LINGO2: variants seen among roughly 807,000 people sequenced by gnomAD.
LINGO2 encodes leucine-rich repeat and immunoglobulin-like domain-containing nogo receptor-interacting protein 2.
In LINGO2, 14 loss-of-function variants were observed where a neutral mutation model predicts 30.6. The ratio of observed to expected loss-of-function variants is 0.46; its 90% CI spans 0.30 to 0.72. LINGO2 has a LOEUF of 0.72. Ranked by LOEUF, LINGO2 falls within the 30% of genes least tolerant of loss-of-function variation. The probability of loss-of-function intolerance (pLI) is 0.07; values close to 1 mark genes in which losing one functional copy is unlikely to be tolerated. For synonymous variants in LINGO2, 317 were observed against 288.5 expected, an observed-to-expected ratio of 1.10 and a Z score of -1.00; for missense variants, 729 against 751.7, an observed-to-expected ratio of 0.97 and a Z score of 0.35.
chr9:28,960,781 A>T, the LINGO2 span, among the ~76,000 whole-genome samples: 4 of 150,672 alleles, frequency 2.7e-5, no homozygotes, highest in African/African-American at 9.7e-5. Flanking sequence ...ATGTTTATAT[A>T]AAATAATGGT....
chr9:28,018,036 C>T lies in LINGO2; in HGVS notation c.-86-5631G>A, dbSNP rs191698966. ...CATAGACCAATGAAACAGAATAGAG[C>T]GCCTGAAAATAATGCCATATGCCTA... On this transcript the variant is annotated intron_variant, in intron 4 of 5. Coordinates refer to ENST00000379992, the Ensembl canonical transcript of LINGO2. Among the ~76,000 whole-genome samples, 12 of 152,044 alleles carry T rather than the reference C, an allele frequency of 7.9e-5. No individual in the cohort carries two copies. In the East Asian group the frequency reaches 1.2e-3, roughly 15 times the overall value.
intron 1 of LINGO2, among the ~76,000 whole-genome samples, chr9:28,598,418 C>CAAAAAAAAAAAAAAAAAAAAAA (rs766825127): frequency 1.8e-5 from 2 of 109,088 alleles, no homozygotes; most frequent in African/African-American, 3.7e-5. Flanking sequence ...TTCTCCATAT[C>CAAAAAAAAAAAAAAAAAAAAAA]AAAAAAAAAA....
At chr9:28,530,078 T>C (rs551482633) in intron 1 of LINGO2, among the ~76,000 whole-genome samples, 92 of 152,072 alleles carry the variant, frequency 6.0e-4, no homozygotes, top group African/African-American at 2.0e-3. Context: ...GAAAGCTGGT[T>C]GGAGCAGGGT....
the LINGO2 span, among the ~76,000 whole-genome samples, chr9:28,826,830 A>G: frequency 1.3e-5 from 2 of 152,226 alleles, no homozygotes; most frequent in African/African-American, 2.4e-5. Flanking sequence ...GCACGATTGC[A>G]GTAAAGTAAA....
chr9:28,817,071 AC>A, the LINGO2 span, among the ~76,000 whole-genome samples: 1 of 152,186 alleles, frequency 6.6e-6, no homozygotes, highest in African/African-American at 2.4e-5. Flanking sequence ...TGGAAATTTT[AC>A]AAGTTTGAGA....
intron 5 of LINGO2, among the ~76,000 whole-genome samples, chr9:27,961,390 C>T (rs1280727560): frequency 6.6e-6 from 1 of 152,152 alleles, no homozygotes; most frequent in Non-Finnish European, 1.5e-5. Context: ...ATACTCCTCC[C>T]CTCATCCTTG....
At chr9:28,088,243 A>AAT (rs1825971934) in intron 4 of LINGO2, among the ~76,000 whole-genome samples, 4 of 150,140 alleles carry the variant, frequency 2.7e-5, no homozygotes, top group African/African-American at 9.8e-5. Flanking sequence ...CACACATATA[A>AAT]TGGTTTAGTA....
intron 4 of LINGO2, among the ~76,000 whole-genome samples, chr9:28,187,243 C>T (rs1819573289): frequency 6.6e-6 from 1 of 152,080 alleles, no homozygotes; most frequent in African/African-American, 2.4e-5. Flanking sequence ...GTAATCTCAG[C>T]ACTTTGGGAG....
the LINGO2 span, among the ~76,000 whole-genome samples, chr9:28,808,925 C>G: frequency 6.6e-6 from 1 of 152,076 alleles, no homozygotes; most frequent in African/African-American, 2.4e-5. Flanking sequence ...GGACTAACGC[C>G]CTGGTCATCC....
intron 4 of LINGO2, among the ~76,000 whole-genome samples, chr9:28,157,224 G>A (rs1468518173): frequency 6.6e-6 from 1 of 152,168 alleles, no homozygotes; most frequent in Non-Finnish European, 1.5e-5. Flanking sequence ...ACTAGGCAGA[G>A]GTTCCCAAAC....
At chr9:28,938,024 G>C in the LINGO2 span, among the ~76,000 whole-genome samples, 25 of 152,208 alleles carry the variant, frequency 1.6e-4, no homozygotes, top group African/African-American at 6.0e-4. Context: ...CCATTTACAA[G>C]TGAAAACAGT....
intron 1 of LINGO2, among the ~76,000 whole-genome samples, chr9:28,570,929 T>A (rs1470361285): frequency 6.6e-6 from 1 of 151,136 alleles, no homozygotes; most frequent in East Asian, 2.0e-4. Flanking sequence ...ACTTTTAAAT[T>A]GTAACAACAA....
the LINGO2 span, among the ~76,000 whole-genome samples, chr9:28,885,485 G>A: frequency 6.6e-4 from 36 of 54,720 alleles, no homozygotes; most frequent in South Asian, 3.5e-3. Context: ...ACATATACAC[G>A]TTTATATATA....
chr9:28,299,310 T>C (rs996572513), intron 3 of LINGO2, among the ~76,000 whole-genome samples: 2 of 152,180 alleles, frequency 1.3e-5, no homozygotes, highest in Non-Finnish European at 2.9e-5. Context: ...TAATCAAGAA[T>C]GTAAAAACAG....
the LINGO2 span, among the ~76,000 whole-genome samples, chr9:28,788,038 G>A: frequency 1.1e-4 from 16 of 152,226 alleles, no homozygotes; most frequent in Admixed American, 9.8e-4. Context: ...TAGACCTGAT[G>A]AACTATATCT....
chr9:28,870,520 C>A, the LINGO2 span, among the ~76,000 whole-genome samples: 1 of 152,048 alleles, frequency 6.6e-6, no homozygotes, highest in African/African-American at 2.4e-5. Flanking sequence ...AATGTTCCTA[C>A]TGCTAGTATA....
chr9:28,433,715 T>G (rs1411323601), intron 2 of LINGO2, among the ~76,000 whole-genome samples: 2 of 152,156 alleles, frequency 1.3e-5, no homozygotes, highest in East Asian at 3.9e-4. Context: ...GAAAACAGTT[T>G]GGAGATTCCT....
At chr9:28,672,904 A>G (rs2136050647), upstream of LINGO2, among the ~76,000 whole-genome samples, 1 of 152,272 alleles carries the variant, frequency 6.6e-6, no homozygotes, top group Non-Finnish European at 1.5e-5. Flanking sequence ...ACTAAGACTC[A>G]ATATTATTTG....
intron 2 of LINGO2, among the ~76,000 whole-genome samples, chr9:28,468,700 G>A (rs916797804): frequency 6.6e-6 from 1 of 152,142 alleles, no homozygotes; most frequent in Admixed American, 6.5e-5. Context: ...AGCAATCACA[G>A]TTCTACAGTA....
Sources: gnomAD v4.1 joint callset for allele counts (sites outside exome capture counted in the v4.1 genomes callset) on GRCh38, gnomAD v4.1.1 for gene constraint, MANE v1.5 for transcripts, NCBI Gene and HGNC (gene_info 2026-07-23, HGNC 2026-07-21) for gene names.